The following COL8A1 variants were observed in gnomAD, a reference collection of about 807,000 sequenced individuals.
COL8A1 encodes the protein collagen type VIII alpha 1 chain, also known as collagen alpha-1(VIII) chain.
In COL8A1, 21 loss-of-function variants were observed where a neutral mutation model predicts 42.7. The ratio of observed to expected loss-of-function variants is 0.49; its 90% CI spans 0.35 to 0.71. COL8A1 has a LOEUF of 0.71. Ranked by LOEUF, COL8A1 falls within the 30% of genes least tolerant of loss-of-function variation. COL8A1 has a pLI of 0.01. For synonymous variants in COL8A1, 367 were observed against 369.1 expected (o/e 0.99, Z 0.06); for missense variants, 788 against 962.4 (o/e 0.82, Z 2.40).
At chr3:99,638,909 C>A (rs1041197896) in intron 1 of COL8A1, among the ~76,000 whole-genome samples, 17 of 152,208 alleles carry the variant, frequency 1.1e-4, no homozygotes, top group Non-Finnish European at 2.2e-4. Flanking sequence ...ATCACTTTTT[C>A]TCCTGTTGCT....
At chr3:99,645,531 C>T (rs1246025378) in intron 1 of COL8A1, among the ~76,000 whole-genome samples, 1 of 152,034 alleles carries the variant, frequency 6.6e-6, no homozygotes, top group Non-Finnish European at 1.5e-5. Flanking sequence ...AGGTTGTTCA[C>T]CAGTAGAGGG....
chr3:99,718,736 T>C (rs1219528476), intron 1 of COL8A1, among the ~76,000 whole-genome samples: 1 of 152,050 alleles, frequency 6.6e-6, no homozygotes, highest in Non-Finnish European at 1.5e-5. Flanking sequence ...ATAAATGATA[T>C]GGAATGTTAT....
intron 1 of COL8A1, among the ~76,000 whole-genome samples, chr3:99,685,719 C>T (rs1278662620): frequency 2.6e-5 from 4 of 152,038 alleles, no homozygotes; most frequent in Non-Finnish European, 5.9e-5. Flanking sequence ...AAGCCTATGG[C>T]CAAATCATGT....
intron 2 of COL8A1, among the ~76,000 whole-genome samples, chr3:99,751,075 G>A (rs1013401186): frequency 6.6e-6 from 1 of 152,172 alleles, no homozygotes; most frequent in Non-Finnish European, 1.5e-5. Context: ...AATTTATGGA[G>A]AGAGATTTGG....
chr3:99,789,484 A>G (rs17778707), intron 2 of COL8A1, among the ~76,000 whole-genome samples: 1,870 of 152,270 alleles, frequency 0.012, 20 homozygotes, highest in African/African-American at 0.028. Flanking sequence ...TATGCCCAGC[A>G]TTAGAACTAC....
At position 99,795,142 on chromosome 3, in the gene COL8A1, G is replaced by A. The variant is rs1391460167; in HGVS notation, c.1241G>A (p.Gly414Glu). Residue 414 changes from glycine to glutamate, a missense_variant, in exon 4 of 4, where the codon GGA becomes GAA. Physicochemically the swap from Gly to Glu is moderately conservative, Grantham distance 98. Around this residue, in one of 4 missense-constraint regions of COL8A1, gnomAD observed 421 missense variants for 553.1 expected, o/e 0.76. Transcript: ENST00000652472. ...GCTATTGGTTTTCCTGGACCCAAAGGAGAAGGTGGGATTGTAGGGCCACAG... is the reference window on the plus strand; with the variant it reads ...GCTATTGGTTTTCCTGGACCCAAAGAAGAAGGTGGGATTGTAGGGCCACAG... Reference protein sequence around the residue: ...PGAIGFPGPKGEGGIVGPQGP... With the variant: ...PGAIGFPGPKEEGGIVGPQGP... The A allele has an allele frequency of 6.2e-7, 1 of 1,613,768 alleles. No individual in the cohort carries two copies. Among genetic ancestry groups the A allele is most frequent in the Admixed American group, 1.7e-5 (1 of 60,016 alleles).
chr3:99,645,696 T>TAA (rs58309537), intron 1 of COL8A1, among the ~76,000 whole-genome samples: 59 of 141,928 alleles, frequency 4.2e-4, no homozygotes, highest in East Asian at 1.0e-3. Context: ...GTTTTCTTTT[T>TAA]AAAAAAAAAA....
chr3:99,771,719 A>G (rs1300135141), intron 2 of COL8A1, among the ~76,000 whole-genome samples: 1 of 152,178 alleles, frequency 6.6e-6, no homozygotes, highest in African/African-American at 2.4e-5. Flanking sequence ...CATAATGCTA[A>G]CTGTGAAGAT....
intron 1 of COL8A1, among the ~76,000 whole-genome samples, chr3:99,737,225 C>T (rs906548360): frequency 6.6e-6 from 1 of 151,982 alleles, no homozygotes; most frequent in Non-Finnish European, 1.5e-5. Context: ...GCATTTAGTC[C>T]ATTTACATTT....
intron 1 of COL8A1, among the ~76,000 whole-genome samples, chr3:99,711,598 T>A (rs1477680035): frequency 6.6e-6 from 1 of 152,054 alleles, no homozygotes. Context: ...ACCTAATACC[T>A]GGGGGATGTG....
Position 99,773,602 on chromosome 3 carries a change from A to G in COL8A1, c.-3-17078A>G, listed in dbSNP as rs1306542092. Among the ~76,000 whole-genome samples, 6 of 151,822 alleles carry G rather than the reference A, an allele frequency of 4.0e-5. No homozygotes were observed. In the East Asian group the frequency reaches 1.2e-3, roughly 29 times the overall value. ...TTTAGGTAAATTATAATATATAATT[A>G]CATTTTATGTGTTTAATCCAAAAGG... On this transcript the variant is annotated intron_variant, in intron 2 of 3. Transcript: ENST00000652472.
At chr3:99,711,914 A>G (rs1056942996) in intron 1 of COL8A1, among the ~76,000 whole-genome samples, 5 of 152,032 alleles carry the variant, frequency 3.3e-5, no homozygotes, top group Non-Finnish European at 7.4e-5. Context: ...CTGGTGGGGG[A>G]AAAAAAGCAT....
intron 1 of COL8A1, among the ~76,000 whole-genome samples, chr3:99,655,204 C>A (rs1443915579): frequency 6.6e-6 from 1 of 152,110 alleles, no homozygotes; most frequent in Admixed American, 6.5e-5. Flanking sequence ...TCACATCATA[C>A]CCATCTCTAC....
chr3:99,716,287 G>C (rs1939992869), intron 1 of COL8A1, among the ~76,000 whole-genome samples: 1 of 151,978 alleles, frequency 6.6e-6, no homozygotes. Flanking sequence ...TCTCACATTG[G>C]TGGGGTAGCA....
Position 99,797,933 on chromosome 3 carries a change from C to A in COL8A1, c.*1797C>A, listed in dbSNP as rs931782137. 2 of 152,164 alleles carry A rather than the reference C, an allele frequency of 1.3e-5. No homozygotes were observed. Among genetic ancestry groups the A allele is most frequent in the African/African-American group, 4.8e-5 (2 of 41,424 alleles). 9.4% of individuals were successfully genotyped at this position (152,164 alleles called of 1,614,324 possible). On this transcript the variant is annotated 3_prime_UTR_variant, in exon 4 of 4. Transcript: ENST00000652472. ...ATCTGGTCTCCAAACACCAAAGACC[C>A]ATTTCGAGCCTGCTATTAGCCTGCT...
intron 2 of COL8A1, among the ~76,000 whole-genome samples, chr3:99,756,687 G>T (rs1258067801): frequency 2.6e-5 from 4 of 152,220 alleles, no homozygotes; most frequent in Admixed American, 2.6e-4. Flanking sequence ...GGGAACCAGG[G>T]TCTTCAATTT....
chr3:99,665,865 TTA>T (rs1938354409), intron 1 of COL8A1, among the ~76,000 whole-genome samples: 1 of 149,928 alleles, frequency 6.7e-6, no homozygotes, highest in Admixed American at 6.7e-5. Flanking sequence ...TTTTTTTTTT[TTA>T]CTTAGTAGAG....
intron 1 of COL8A1, among the ~76,000 whole-genome samples, chr3:99,655,829 A>G (rs2107295102): frequency 6.6e-6 from 1 of 152,344 alleles, no homozygotes; most frequent in South Asian, 2.1e-4. Flanking sequence ...AGTTCTCAGA[A>G]CATAGCCAAC....
intron 1 of COL8A1, among the ~76,000 whole-genome samples, chr3:99,682,872 C>T (rs945933629): frequency 9.2e-5 from 14 of 152,244 alleles, no homozygotes; most frequent in African/African-American, 2.9e-4. Flanking sequence ...CAGTGGAGCA[C>T]GAGCTCCCTC....
Sources: allele counts gnomAD v4.1 joint callset (sites outside exome capture counted in the v4.1 genomes callset), GRCh38; gene constraint gnomAD v4.1.1; regional missense constraint gnomAD v4.1.1; transcripts MANE v1.5; gene names NCBI Gene and HGNC (gene_info 2026-07-23, HGNC 2026-07-21).